EPHB2: variants seen among roughly 807,000 people sequenced by gnomAD.
EPHB2 encodes ephrin type-B receptor 2.
EPHB2 carries 18 observed loss-of-function variants against 96.4 expected under a neutral mutation model. The ratio of observed to expected loss-of-function variants is 0.19; its 90% CI spans 0.13 to 0.28. The LOEUF is 0.28. Among genes scored for constraint, EPHB2 ranks in the 10% least tolerant of loss-of-function variants. The pLI, the probability that EPHB2 is intolerant of heterozygous loss-of-function variation, is 1.00. For missense variants in EPHB2, 989 were observed against 1,355.4 expected (o/e 0.73, Z 4.25); for synonymous variants, 506 against 534.1 (o/e 0.95, Z 0.72).
Position 22,732,400 on chromosome 1 carries a change from G to A in EPHB2, c.61+21357G>A, listed in dbSNP as rs141571848. On this transcript the variant is annotated intron_variant, in intron 1 of 15. Coordinates refer to ENST00000374630, the MANE Select transcript of EPHB2 (RefSeq NM_017449.5). ...GGAAGCGCGTGGGGGGCCGGAGGGC[G>A]GCTCTAACTCTTCTCTCTAATTTTT... Among the ~76,000 whole-genome samples, 84 of 152,208 alleles carry A rather than the reference G, an allele frequency of 5.5e-4. 1 individual carries two copies. The East Asian group carries it at 0.013, about 24-fold the overall frequency.
At chr1:22,891,067 T>G in intron 6 of EPHB2, 1 of 456,058 alleles carries the variant, frequency 2.2e-6, no homozygotes, top group Admixed American at 2.3e-5. Context: ...TTATACCTAT[T>G]GATTCATTTT....
chr1:22,752,768 TAC>T (rs150571893), intron 1 of EPHB2, among the ~76,000 whole-genome samples: 3 of 151,156 alleles, frequency 2.0e-5, no homozygotes, highest in Admixed American at 6.6e-5. Flanking sequence ...TACTTACACG[TAC>T]ACACACACAC....
At chr1:22,741,738 A>C (rs1424962736) in intron 1 of EPHB2, among the ~76,000 whole-genome samples, 1 of 149,152 alleles carries the variant, frequency 6.7e-6, no homozygotes, top group African/African-American at 2.4e-5. Flanking sequence ...GCTCAGTGCA[A>C]TAACGAAAAC....
At chr1:22,896,620 TC>T (rs1394879686) in intron 9 of EPHB2, 142 bp downstream of exon 9, 1 of 1,119,582 alleles carries the variant, frequency 8.9e-7, no homozygotes. Flanking sequence ...CTAAGCTCAC[TC>T]TCACCTCTAG....
intron 3 of EPHB2, among the ~76,000 whole-genome samples, chr1:22,820,410 C>T (rs892702489): frequency 6.6e-6 from 1 of 152,128 alleles, no homozygotes; most frequent in Non-Finnish European, 1.5e-5. Context: ...CCTGTAATCC[C>T]AGCACTTTGG....
Position 22,917,456 on chromosome 1 carries a change from A to C in EPHB2, c.*3886A>C, listed in dbSNP as rs1319171797. On this transcript the variant is annotated 3_prime_UTR_variant, in exon 16 of 16. Transcript: ENST00000374630. ...GATAACGTAAATGCATTCAAAAGAC[A>C]GGGTACCACATGATGCTAGGGAAAG... 1 of 152,242 alleles carries C rather than the reference A, an allele frequency of 6.6e-6. No homozygotes were observed. The highest frequency in any genetic ancestry group is 1.5e-5 in the Non-Finnish European group (1 of 68,040). The allele number at this position is 152,242 out of a possible 1,614,324, so 9.4% of individuals were successfully genotyped here. A position where few individuals can be genotyped will look rare whatever the true frequency, so the allele number is the denominator to read the frequency against.
intron 13 of EPHB2, among the ~76,000 whole-genome samples, chr1:22,909,878 G>A (rs1640037529): frequency 6.6e-6 from 1 of 152,224 alleles, no homozygotes; most frequent in African/African-American, 2.4e-5. Flanking sequence ...CCTTGACAGA[G>A]AAGCAGGTGG....
At chr1:22,868,816 G>A (rs1346829359) in intron 5 of EPHB2, among the ~76,000 whole-genome samples, 1 of 152,170 alleles carries the variant, frequency 6.6e-6, no homozygotes, top group South Asian at 2.1e-4. Context: ...TGGGGTCATT[G>A]TTCTAATCTA....
intron 8 of EPHB2, among the ~76,000 whole-genome samples, chr1:22,896,144 G>C (rs896751080): frequency 6.6e-6 from 1 of 152,220 alleles, no homozygotes; most frequent in African/African-American, 2.4e-5. Flanking sequence ...GAAGCCCCTG[G>C]GGTTTCTGGG....
At chr1:22,889,636 C>A (rs533587401) in intron 6 of EPHB2, among the ~76,000 whole-genome samples, 2 of 152,214 alleles carry the variant, frequency 1.3e-5, no homozygotes, top group Admixed American at 6.5e-5. Flanking sequence ...TTTGGACCCA[C>A]AACCCCTGGC....
At chr1:22,810,877 C>T (rs1477922519) in intron 3 of EPHB2, among the ~76,000 whole-genome samples, 2 of 152,168 alleles carry the variant, frequency 1.3e-5, no homozygotes, top group African/African-American at 2.4e-5. Flanking sequence ...CCCTAACACA[C>T]CCAAGAGGCC....
At chr1:22,872,817 C>T (rs1366265940) in intron 5 of EPHB2, among the ~76,000 whole-genome samples, 2 of 152,200 alleles carry the variant, frequency 1.3e-5, no homozygotes, top group African/African-American at 2.4e-5. Flanking sequence ...CTGGCATGAA[C>T]GTGTACTCAC....
rs1317346244 is a variant in EPHB2 at position 22,858,541 on chromosome 1, C to T, written c.812-4496C>T. 6.6e-6 allele frequency among the ~76,000 whole-genome samples: 1 copy of T among 152,208 alleles called. No individual in the cohort carries two copies. Among genetic ancestry groups the T allele is most frequent in the South Asian group, 2.1e-4 (1 of 4,832 alleles). On this transcript the variant is annotated intron_variant, in intron 3 of 15. Transcript: ENST00000374630. The surrounding 1 kb of genome is among the most constrained non-coding windows in gnomAD (Gnocchi z 7.7). ...GAGGAGGCCTTCCCAAGCCCACACG[C>T]CCGTCAGAGGTACAACTGCCTTCCT...
At chr1:22,845,958 G>A (rs1645535050) in intron 3 of EPHB2, among the ~76,000 whole-genome samples, 1 of 152,212 alleles carries the variant, frequency 6.6e-6, no homozygotes, top group Non-Finnish European at 1.5e-5. Context: ...CTGAGAAGGT[G>A]TGGGATCTTG....
At chr1:22,836,438 AT>A (rs1645386397) in intron 3 of EPHB2, among the ~76,000 whole-genome samples, 1 of 152,216 alleles carries the variant, frequency 6.6e-6, no homozygotes, top group Non-Finnish European at 1.5e-5. Flanking sequence ...ATGGGCATGT[AT>A]TTTGGTACAT....
At chr1:22,812,477 G>A (rs554628737) in intron 3 of EPHB2, among the ~76,000 whole-genome samples, 2 of 152,286 alleles carry the variant, frequency 1.3e-5, no homozygotes, top group Non-Finnish European at 2.9e-5. Flanking sequence ...GTACTCAGAG[G>A]TGCCAGACCC....
chr1:22,831,413 A>G (rs564813240), intron 3 of EPHB2, among the ~76,000 whole-genome samples: 1 of 152,192 alleles, frequency 6.6e-6, no homozygotes, highest in South Asian at 2.1e-4. Context: ...GCATTGTGTA[A>G]TAGCATTGAT....
In EPHB2 at chr1:22,913,591, C is replaced by A. The variant is rs2229871; in HGVS notation, c.*21C>A. 9.9e-5 allele frequency: 160 copies of A among 1,613,840 alleles called. 1 individual carries two copies. In the East Asian group the frequency reaches 3.5e-3, roughly 36 times the overall value. ...TTTGACATTCACCTGCCTCGGCTCA[C>A]CTCTTCCTCCAAGCCCCGCCCCCTC... On this transcript the variant is annotated 3_prime_UTR_variant, in exon 16 of 16. Coordinates refer to ENST00000374630, the MANE Select transcript of EPHB2 (RefSeq NM_017449.5). This position sits in a 1 kb window ranked among gnomAD's most constrained non-coding sequence, Gnocchi z 4.1.
chr1:22,801,740 C>A (rs1438714786), intron 3 of EPHB2, among the ~76,000 whole-genome samples: 1 of 152,208 alleles, frequency 6.6e-6, no homozygotes, highest in Non-Finnish European at 1.5e-5. Context: ...ATCCCATCCC[C>A]TTCCCCCTCC....
Sources: allele counts gnomAD v4.1 joint callset (sites outside exome capture counted in the v4.1 genomes callset), GRCh38; gene constraint gnomAD v4.1.1; non-coding constraint Gnocchi (gnomAD v3.1); transcripts MANE v1.5; gene names NCBI Gene and HGNC (gene_info 2026-07-23, HGNC 2026-07-21).